Variants in JMJD1C observed in about 807,000 individuals in gnomAD.
The protein encoded by JMJD1C is jumonji domain containing 1C, also known as jumonji domain-containing protein 1C.
JMJD1C carries 31 observed loss-of-function variants against 245.3 expected under a neutral mutation model. The observed-to-expected ratio is 0.13, with a 90% CI of 0.09 to 0.17. The LOEUF (loss-of-function observed/expected upper bound fraction) is 0.17. JMJD1C is among the 10% of genes least tolerant of loss of function. The pLI is 1.00. For synonymous variants in JMJD1C, 1,057 were observed against 1,017.4 expected (o/e 1.04, Z -0.74); for missense variants, 2,691 against 3,000.2 (o/e 0.90, Z 2.41).
chr10:63,257,226 C>CAAAAAAAAAA (rs71025139), intron 3 of JMJD1C, among the ~76,000 whole-genome samples: 2 of 92,652 alleles, frequency 2.2e-5, no homozygotes, highest in Non-Finnish European at 4.3e-5. Context: ...GACTTCATCT[C>CAAAAAAAAAA]AAAAAAAAAA....
At chr10:63,338,367 C>A (rs980896291) in intron 2 of JMJD1C, among the ~76,000 whole-genome samples, 1 of 152,162 alleles carries the variant, frequency 6.6e-6, no homozygotes, top group Admixed American at 6.5e-5. Context: ...CTCTTAGCCT[C>A]AAGAAATTAT....
rs1288514393 is a variant in JMJD1C, at chr10:63,194,272, G to C, written c.5734+14C>G. 6.5e-7 allele frequency: 1 copy of C among 1,537,286 alleles called. No individual in the cohort carries two copies. Among genetic ancestry groups the C allele is most frequent in the Admixed American group, 1.7e-5 (1 of 59,932 alleles). On this transcript the variant is annotated intron_variant, in intron 14 of 25. Coordinates refer to ENST00000399262, the MANE Select transcript of JMJD1C (RefSeq NM_032776.3). The stretch of plus-strand genomic sequence containing the variant: ...ACCAAGAGCAGTTATATTACATGAA[G>C]AAGATATACTTACCAGAACCAGGTA...
At chr10:63,319,669 T>A (rs952372722) in intron 2 of JMJD1C, among the ~76,000 whole-genome samples, 1 of 152,216 alleles carries the variant, frequency 6.6e-6, no homozygotes, top group Non-Finnish European at 1.5e-5. Flanking sequence ...ATTTGCTATT[T>A]CCTTGTCCTT....
intron 1 of JMJD1C, among the ~76,000 whole-genome samples, chr10:63,439,068 G>A (rs768689596): frequency 6.6e-6 from 1 of 152,082 alleles, no homozygotes; most frequent in Non-Finnish European, 1.5e-5. Context: ...GATAAATCTA[G>A]GATTGCCCCC....
intron 1 of JMJD1C, among the ~76,000 whole-genome samples, chr10:63,443,646 T>C (rs550440266): frequency 6.6e-6 from 1 of 152,196 alleles, no homozygotes; most frequent in Non-Finnish European, 1.5e-5. Context: ...TGGTTACATA[T>C]GCAAACCTTT....
chr10:63,377,914 A>T (rs1265295010), intron 2 of JMJD1C, among the ~76,000 whole-genome samples: 1 of 34,430 alleles, frequency 2.9e-5, no homozygotes, highest in Non-Finnish European at 7.2e-5. Flanking sequence ...TAAAATAAAT[A>T]GTATGGCAAA....
intron 1 of JMJD1C, among the ~76,000 whole-genome samples, chr10:63,510,323 T>C (rs1425444817): frequency 6.6e-6 from 1 of 152,152 alleles, no homozygotes; most frequent in Non-Finnish European, 1.5e-5. Context: ...CTTTCATCTT[T>C]TCTAATAAAT....
intron 1 of JMJD1C, among the ~76,000 whole-genome samples, chr10:63,497,019 CATGTTATCCGAACATGTTAGTGCA>C: frequency 6.6e-6 from 1 of 152,250 alleles, no homozygotes; most frequent in Middle Eastern, 3.4e-3. Context: ...TGTTATTGTA[CATGTTATCCGAACATGTTAGTGCA>C]GCATAACCTG....
chr10:63,175,558 T>A (rs569775411), intron 24 of JMJD1C, among the ~76,000 whole-genome samples: 1 of 152,316 alleles, frequency 6.6e-6, no homozygotes, highest in Non-Finnish European at 1.5e-5. Context: ...TTATATAAAA[T>A]GTGAGAAAGT....
intron 10 of JMJD1C, among the ~76,000 whole-genome samples, chr10:63,201,183 G>C (rs916767056): frequency 6.6e-6 from 1 of 152,094 alleles, no homozygotes; most frequent in Non-Finnish European, 1.5e-5. Context: ...GGTAAGTGTG[G>C]CTCATTAAGA....
intron 2 of JMJD1C, among the ~76,000 whole-genome samples, chr10:63,303,491 A>G (rs1339723576): frequency 6.6e-6 from 1 of 152,146 alleles, no homozygotes; most frequent in African/African-American, 2.4e-5. Context: ...TTTTTAGTAG[A>G]GACAGGGTTT....
intron 1 of JMJD1C, among the ~76,000 whole-genome samples, chr10:63,513,063 A>T (rs1954917657): frequency 6.6e-6 from 1 of 151,922 alleles, no homozygotes; most frequent in Non-Finnish European, 1.5e-5. Context: ...TACATTATCC[A>T]TCTGTTCTTG....
intron 1 of JMJD1C, among the ~76,000 whole-genome samples, chr10:63,432,775 T>C (rs1950836485): frequency 6.6e-6 from 1 of 152,230 alleles, no homozygotes; most frequent in Non-Finnish European, 1.5e-5. Context: ...AGAACAGCCA[T>C]AAGAAGCATA....
chr10:63,186,153 T>C (rs1186344475), intron 19 of JMJD1C, 62 bp downstream of exon 19: 2 of 1,268,734 alleles, frequency 1.6e-6, no homozygotes, highest in Non-Finnish European at 2.2e-6. Context: ...TTAAGTTACA[T>C]TTGGAATTTA....
At chr10:63,499,604 G>A (rs1460335810) in intron 1 of JMJD1C, among the ~76,000 whole-genome samples, 1 of 152,000 alleles carries the variant, frequency 6.6e-6, no homozygotes, top group Non-Finnish European at 1.5e-5. Flanking sequence ...AAAAACAACA[G>A]TTTAGAGAAT....
intron 1 of JMJD1C, among the ~76,000 whole-genome samples, chr10:63,443,854 C>G (rs1296685940): frequency 6.6e-6 from 1 of 152,194 alleles, no homozygotes; most frequent in Non-Finnish European, 1.5e-5. Flanking sequence ...ACACTTCTAT[C>G]ACCCCTATCA....
intron 1 of JMJD1C, among the ~76,000 whole-genome samples, chr10:63,462,651 G>C (rs1952879001): frequency 6.6e-6 from 1 of 152,160 alleles, no homozygotes; most frequent in African/African-American, 2.4e-5. Flanking sequence ...GGGAAAAACG[G>C]TCAGAGAGAT....
In JMJD1C at chr10:63,197,073, T is replaced by A. The variant is rs141659998; in HGVS notation, c.5644+338A>T. On this transcript the variant is annotated intron_variant, in intron 13 of 25. Transcript: ENST00000399262. ...GGAAGCCAGCCTTGGCCTCCCAAAG[T>A]GCTGAGATTACAGGCATGAGCCACA... Among the ~76,000 whole-genome samples the A allele has an allele frequency of 2.3e-3, 345 of 152,102 alleles. 2 individuals are homozygous for A. The highest frequency in any genetic ancestry group is 7.8e-3 in the African/African-American group (323 of 41,508).
intron 4 of JMJD1C, among the ~76,000 whole-genome samples, chr10:63,219,538 C>T (rs765485593): frequency 1.3e-5 from 2 of 152,186 alleles, no homozygotes; most frequent in Non-Finnish European, 2.9e-5. Flanking sequence ...CAAAGGAAAT[C>T]AATTGTGGCT....
Sources: gnomAD v4.1 joint callset for allele counts (sites outside exome capture counted in the v4.1 genomes callset) on GRCh38, gnomAD v4.1.1 for gene constraint, MANE v1.5 for transcripts, NCBI Gene and HGNC (gene_info 2026-07-23, HGNC 2026-07-21) for gene names.